Variants in DYNC1LI1 observed in about 807,000 individuals in gnomAD.
DYNC1LI1 encodes the protein cytoplasmic dynein 1 light intermediate chain 1.
DYNC1LI1 carries 19 observed loss-of-function variants against 63.8 expected under a neutral mutation model. That is an observed-to-expected ratio of 0.30 (90% CI 0.21 to 0.44). The LOEUF (loss-of-function observed/expected upper bound fraction) is 0.44. Among genes scored for constraint, DYNC1LI1 ranks in the 20% least tolerant of loss-of-function variants. The pLI, the probability that DYNC1LI1 is intolerant of heterozygous loss-of-function variation, is 1.00. For missense variants in DYNC1LI1, 565 were observed against 630.2 expected (o/e 0.90, Z 1.11); for synonymous variants, 225 against 232.3 (o/e 0.97, Z 0.28).
At chr3:32,570,157 C>G (rs1304757268) in intron 2 of DYNC1LI1, 189 bp downstream of exon 2, 4 of 698,926 alleles carry the variant, frequency 5.7e-6, no homozygotes, top group African/African-American at 5.3e-5. Context: ...GAGGGCGGGT[C>G]CCCGCAGGTC....
chr3:32,548,922 A>G (rs769585178), intron 2 of DYNC1LI1, among the ~76,000 whole-genome samples: 13 of 152,188 alleles, frequency 8.5e-5, no homozygotes, highest in Non-Finnish European at 7.3e-5. Flanking sequence ...CTATTTTTAC[A>G]AAGTACCATT....
At chr3:32,547,690 T>C (rs1425395926) in intron 2 of DYNC1LI1, among the ~76,000 whole-genome samples, 3 of 152,160 alleles carry the variant, frequency 2.0e-5, no homozygotes, top group African/African-American at 7.2e-5. Flanking sequence ...TGGTTCTTTT[T>C]ATGAAACATT....
intron 2 of DYNC1LI1, among the ~76,000 whole-genome samples, chr3:32,546,533 A>C (rs983436568): frequency 9.9e-5 from 15 of 152,232 alleles, no homozygotes; most frequent in African/African-American, 3.1e-4. Context: ...GGAGATGAGA[A>C]GGTAAAGTGA....
intron 2 of DYNC1LI1, among the ~76,000 whole-genome samples, chr3:32,546,291 C>T (rs980146280): frequency 2.0e-5 from 3 of 152,078 alleles, no homozygotes; most frequent in African/African-American, 4.8e-5. Flanking sequence ...GCCTGTAATC[C>T]CAGCTGCTCA....
chr3:32,528,681 TAGAA>T (rs1697655527), intron 11 of DYNC1LI1, 80 bp from the exon 12 acceptor site: 3 of 1,347,376 alleles, frequency 2.2e-6, no homozygotes, highest in Non-Finnish European at 3.0e-6. Context: ...TAATCACACA[TAGAA>T]AATGAATAAA....
At chr3:32,570,583 C>T in intron 1 of DYNC1LI1, 42 bp downstream of exon 1, 2 of 1,542,698 alleles carry the variant, frequency 1.3e-6, no homozygotes, top group South Asian at 1.2e-5. Context: ...CGCGCAAGGC[C>T]GGGGGAGCCA....
intron 2 of DYNC1LI1, among the ~76,000 whole-genome samples, chr3:32,561,878 C>T (rs182786910): frequency 2.0e-5 from 3 of 149,530 alleles, no homozygotes; most frequent in Non-Finnish European, 4.4e-5. Context: ...CCGTGTTACA[C>T]GAAGTGAACC....
intron 2 of DYNC1LI1, among the ~76,000 whole-genome samples, chr3:32,563,416 C>T (rs912566595): frequency 6.6e-6 from 1 of 151,548 alleles, no homozygotes; most frequent in Non-Finnish European, 1.5e-5. Context: ...CTCTACCTCT[C>T]GAGTGGCTGG....
In DYNC1LI1 at chr3:32,548,149, T is replaced by G. The variant is rs557371718; in HGVS notation, c.221-2184A>C. Among the ~76,000 whole-genome samples, 16 of 152,126 alleles carry G rather than the reference T, an allele frequency of 1.1e-4. No individual in the cohort carries two copies. In the East Asian group the frequency reaches 2.9e-3, roughly 28 times the overall value. On this transcript the variant is annotated intron_variant, in intron 2 of 12. Transcript: ENST00000273130. ...GTTAAATCAGGGGTCCCCAACCCACTGGGCTGTGGACCGGTACCAGTCTAT... is the reference window on the plus strand; with the variant it reads ...GTTAAATCAGGGGTCCCCAACCCACGGGGCTGTGGACCGGTACCAGTCTAT...
At chr3:32,567,275 A>G (rs1391867550) in intron 2 of DYNC1LI1, among the ~76,000 whole-genome samples, 4 of 152,302 alleles carry the variant, frequency 2.6e-5, no homozygotes, top group African/African-American at 4.8e-5. Context: ...TGGTGCCCTG[A>G]TCAGGGAGGA....
chr3:32,547,571 G>A lies in DYNC1LI1; in HGVS notation c.221-1606C>T, dbSNP rs72860524. On this transcript the variant is annotated intron_variant, in intron 2 of 12. Transcript: ENST00000273130. The stretch of plus-strand genomic sequence containing the variant: ...TGTTTATAATCCTACTGGGGCCAAG[G>A]TGAAGCCAAGTGATGCAGACAGAAC... Among the ~76,000 whole-genome samples, 395 of 152,242 alleles carry A rather than the reference G, an allele frequency of 2.6e-3. 1 individual carries two copies. The highest frequency in any genetic ancestry group is 9.0e-3 in the African/African-American group (376 of 41,554).
chr3:32,570,311 G>T, intron 2 of DYNC1LI1, 35 bp downstream of exon 2: 1 of 1,518,528 alleles, frequency 6.6e-7, no homozygotes, highest in Non-Finnish European at 9.0e-7. Context: ...GCCGCTGGGG[G>T]CCGGGCGGGG....
intron 8 of DYNC1LI1, chr3:32,530,816 A>T (rs1257364601): frequency 7.0e-6 from 2 of 284,084 alleles, no homozygotes; most frequent in Non-Finnish European, 1.3e-5. Context: ...AATGATTTTT[A>T]ATTTTATCTA....
rs1447076063 is a variant in DYNC1LI1 at position 32,528,596 on chromosome 3, C to A, written c.1312G>T (p.Ala438Ser). 6.3e-7 allele frequency: 1 copy of A among 1,592,540 alleles called. No individual in the cohort carries two copies. Among genetic ancestry groups the A allele is most frequent in the African/African-American group, 1.4e-5 (1 of 73,492 alleles). Reference protein sequence around the residue: ...KKIDPNMKAGATSEGVLANFF... With the variant: ...KKIDPNMKAGSTSEGVLANFF... ...TTTGCCAGAACGCCTTCACTTGTAG[C>A]TCCAGCTATAAAAAAATAAAAAAAC... Residue 438 changes from alanine (A) to serine (S), a missense_variant, in exon 12 of 13, where the codon GCT (alanine) becomes TCT (serine). Coordinates refer to ENST00000273130, the MANE Select transcript of DYNC1LI1 (RefSeq NM_016141.4).
chr3:32,532,790 G>A, intron 8 of DYNC1LI1, 196 bp downstream of exon 8: 1 of 933,198 alleles, frequency 1.1e-6, no homozygotes, highest in Non-Finnish European at 1.4e-6. Context: ...GATTTAATTA[G>A]CTGAATAGCT....
chr3:32,547,792 A>G (rs965701245), intron 2 of DYNC1LI1, among the ~76,000 whole-genome samples: 2 of 152,196 alleles, frequency 1.3e-5, no homozygotes, highest in African/African-American at 2.4e-5. Flanking sequence ...CGTTAAAGAG[A>G]TATCTGTACT....
chr3:32,533,181 T>C lies in DYNC1LI1; in HGVS notation c.969-84A>G. 3.5e-6 allele frequency: 5 copies of C among 1,428,496 alleles called. No homozygotes were observed. In the South Asian group the frequency reaches 7.6e-5, roughly 22 times the overall value. The allele number at this position is 1,428,496 out of a possible 1,614,324, so 88.5% of individuals were successfully genotyped here. On this transcript the variant is annotated intron_variant, in intron 7 of 12. Coordinates refer to ENST00000273130, the MANE Select transcript of DYNC1LI1 (RefSeq NM_016141.4). ...GTCCAAGATCATGTAAAAGGAATACTTTCATGAAGTCAATTTGAACAATTA... is the reference window on the plus strand; with the variant it reads ...GTCCAAGATCATGTAAAAGGAATACCTTCATGAAGTCAATTTGAACAATTA...
intron 2 of DYNC1LI1, among the ~76,000 whole-genome samples, chr3:32,565,592 G>A (rs537421459): frequency 3.9e-5 from 6 of 152,190 alleles, no homozygotes; most frequent in East Asian, 1.9e-4. Flanking sequence ...GTACTAGCTC[G>A]GGGAGCTAGG....
At chr3:32,538,000 A>G in intron 5 of DYNC1LI1, among the ~76,000 whole-genome samples, 1 of 39,832 alleles carries the variant, frequency 2.5e-5, no homozygotes, top group Admixed American at 5.2e-4. Flanking sequence ...TATATAATTT[A>G]TATATATAAT....
Sources: gnomAD v4.1 joint callset for allele counts (sites outside exome capture counted in the v4.1 genomes callset) on GRCh38, gnomAD v4.1.1 for gene constraint, MANE v1.5 for transcripts, NCBI Gene and HGNC (gene_info 2026-07-23, HGNC 2026-07-21) for gene names.